Variants in GALNT13 observed in about 807,000 individuals in gnomAD.
GALNT13 encodes polypeptide N-acetylgalactosaminyltransferase 13, also known as UDP-GalNAc:polypeptide N-acetylgalactosaminyltransferase 13.
A neutral mutation model predicts 64.2 loss-of-function variants in GALNT13; 28 were observed. That is an observed-to-expected ratio of 0.44 (90% confidence interval 0.32 to 0.60). GALNT13 has a LOEUF of 0.60. GALNT13 is among the 20% of genes least tolerant of loss of function. The pLI is 0.05. For missense variants in GALNT13, 577 were observed against 669.8 expected, an observed-to-expected ratio of 0.86 and a Z score of 1.53; for synonymous variants, 214 against 224.6, an observed-to-expected ratio of 0.95 and a Z score of 0.42.
chr2:153,848,730 T>TA, the GALNT13 span, among the ~76,000 whole-genome samples: 6 of 152,036 alleles, frequency 3.9e-5, no homozygotes, highest in African/African-American at 1.4e-4. Context: ...TACAAACTTT[T>TA]AAAAAATCTT....
At chr2:154,353,479 A>C (rs1292820193) in intron 9 of GALNT13, among the ~76,000 whole-genome samples, 1 of 152,096 alleles carries the variant, frequency 6.6e-6, no homozygotes, top group East Asian at 1.9e-4. Context: ...ATACAATACA[A>C]ATTTATTAAT....
the GALNT13 span, among the ~76,000 whole-genome samples, chr2:153,667,362 A>G: frequency 1.3e-5 from 2 of 152,220 alleles, no homozygotes; most frequent in Non-Finnish European, 2.9e-5. Flanking sequence ...CATGAAAGTA[A>G]AGGCAGCTAG....
the GALNT13 span, among the ~76,000 whole-genome samples, chr2:153,090,677 G>T: frequency 6.6e-6 from 1 of 152,172 alleles, no homozygotes; most frequent in African/African-American, 2.4e-5. Flanking sequence ...GGGCCATAAA[G>T]CTCCAAAGAG....
At chr2:153,070,805 C>G in the GALNT13 span, among the ~76,000 whole-genome samples, 1 of 152,208 alleles carries the variant, frequency 6.6e-6, no homozygotes, top group East Asian at 1.9e-4. Context: ...TTATAAAAAA[C>G]CTCTGTGTTT....
the GALNT13 span, among the ~76,000 whole-genome samples, chr2:153,220,217 C>T: frequency 3.1e-3 from 473 of 152,258 alleles, 1 homozygote; most frequent in African/African-American, 0.011. Flanking sequence ...CTCCACCCAC[C>T]AGGAATGTCA....
At chr2:153,474,421 C>A in the GALNT13 span, among the ~76,000 whole-genome samples, 1 of 152,136 alleles carries the variant, frequency 6.6e-6, no homozygotes, top group African/African-American at 2.4e-5. Flanking sequence ...CAGTGAGAAG[C>A]CAGGATGGCT....
At chr2:154,159,071 C>T (rs1573775593) in intron 4 of GALNT13, among the ~76,000 whole-genome samples, 1 of 151,806 alleles carries the variant, frequency 6.6e-6, no homozygotes, top group African/African-American at 2.4e-5. Flanking sequence ...TTTCTTTTCT[C>T]ACTAAACATA....
At chr2:153,679,245 C>T in the GALNT13 span, among the ~76,000 whole-genome samples, 2 of 151,962 alleles carry the variant, frequency 1.3e-5, no homozygotes, top group Non-Finnish European at 2.9e-5. Context: ...CTAAGCAGCA[C>T]CCACAAGTAC....
At chr2:154,057,951 T>C (rs1224082756) in intron 3 of GALNT13, among the ~76,000 whole-genome samples, 2 of 152,234 alleles carry the variant, frequency 1.3e-5, no homozygotes, top group Non-Finnish European at 2.9e-5. Flanking sequence ...TAATATTTAT[T>C]GAACAGCTGC....
chr2:153,116,113 T>G, the GALNT13 span, among the ~76,000 whole-genome samples: 1 of 152,188 alleles, frequency 6.6e-6, no homozygotes, highest in African/African-American at 2.4e-5. Context: ...CAAGGAGATT[T>G]AAATTAGTAA....
chr2:153,092,223 C>T, the GALNT13 span, among the ~76,000 whole-genome samples: 1 of 152,170 alleles, frequency 6.6e-6, no homozygotes, highest in South Asian at 2.1e-4. Context: ...ATGCTACTAC[C>T]ATGCTGTTTT....
At chr2:153,428,963 C>G in the GALNT13 span, among the ~76,000 whole-genome samples, 1 of 152,054 alleles carries the variant, frequency 6.6e-6, no homozygotes, top group African/African-American at 2.4e-5. Context: ...GTCCAGTCAC[C>G]AAATACCCTC....
rs74929384 is a variant in GALNT13 at position 153,913,941 on chromosome 2, A to T, written c.-105+12934A>T. On this transcript the variant is annotated intron_variant, in intron 2 of 12. Coordinates refer to ENST00000392825, the MANE Select transcript of GALNT13 (RefSeq NM_052917.4). Reference sequence around the variant, plus strand: ...GGGGTAGGCAAGATATATCTTAAAAAATTATTTTCTCTTTGTTCCTTGTAT... The same window carrying T: ...GGGGTAGGCAAGATATATCTTAAAATATTATTTTCTCTTTGTTCCTTGTAT... 8.5e-5 allele frequency among the ~76,000 whole-genome samples: 13 copies of T among 152,268 alleles called. No homozygotes were observed. In the East Asian group the frequency reaches 2.5e-3, roughly 29 times the overall value.
At chr2:153,539,713 C>T in the GALNT13 span, among the ~76,000 whole-genome samples, 365 of 151,148 alleles carry the variant, frequency 2.4e-3, 2 homozygotes, top group East Asian at 0.06. Flanking sequence ...AGATATGCGG[C>T]GTTATTTCTG....
At chr2:153,656,344 G>GCA in the GALNT13 span, among the ~76,000 whole-genome samples, 15 of 146,068 alleles carry the variant, frequency 1.0e-4, no homozygotes, top group South Asian at 6.4e-4. Context: ...GTGTGTGCGC[G>GCA]CGCACATATG....
At chr2:154,411,196 T>A (rs1481470843) in intron 11 of GALNT13, among the ~76,000 whole-genome samples, 2 of 151,778 alleles carry the variant, frequency 1.3e-5, no homozygotes, top group African/African-American at 4.8e-5. Flanking sequence ...AAGAAAGTGA[T>A]CAAATAATAA....
chr2:153,713,650 C>CT, the GALNT13 span, among the ~76,000 whole-genome samples: 1 of 152,112 alleles, frequency 6.6e-6, no homozygotes, highest in African/African-American at 2.4e-5. Flanking sequence ...ACCCAGCTAA[C>CT]TTTTTTTATT....
the GALNT13 span, among the ~76,000 whole-genome samples, chr2:153,638,878 T>C: frequency 1.3e-5 from 2 of 152,074 alleles, no homozygotes; most frequent in Non-Finnish European, 1.5e-5. Context: ...TGTCAATTTT[T>C]ATTAAGGAGA....
the GALNT13 span, among the ~76,000 whole-genome samples, chr2:153,332,189 G>A: frequency 6.6e-6 from 1 of 152,048 alleles, no homozygotes; most frequent in African/African-American, 2.4e-5. Context: ...TTTCTGCTCT[G>A]ATTTTAGTTA....
Sources: allele counts gnomAD v4.1 joint callset (sites outside exome capture counted in the v4.1 genomes callset), GRCh38; gene constraint gnomAD v4.1.1; transcripts MANE v1.5; gene names NCBI Gene and HGNC (gene_info 2026-07-23, HGNC 2026-07-21).